Variants in ROBO1 observed in about 807,000 individuals in gnomAD.
The protein encoded by ROBO1 is roundabout homolog 1.
ROBO1 carries 149 observed loss-of-function variants against 195.9 expected under a neutral mutation model. The ratio of observed to expected loss-of-function variants is 0.76; its 90% confidence interval spans 0.67 to 0.87. ROBO1 has a LOEUF of 0.87. Among genes scored for constraint, ROBO1 ranks in the 40% least tolerant of loss-of-function variants. ROBO1 has a pLI of 0.00. For synonymous variants in ROBO1, 816 were observed against 733.2 expected, an observed-to-expected ratio of 1.11 and a Z score of -1.82; for missense variants, 1,933 against 2,068.3, an observed-to-expected ratio of 0.93 and a Z score of 1.27.
At chr3:79,591,731 C>G (rs1446104229) in intron 1 of ROBO1, among the ~76,000 whole-genome samples, 1 of 151,790 alleles carries the variant, frequency 6.6e-6, no homozygotes, top group African/African-American at 2.4e-5. Flanking sequence ...GATCACATTC[C>G]TCAGTGAAGT....
intron 1 of ROBO1, among the ~76,000 whole-genome samples, chr3:79,623,562 C>T (rs925050483): frequency 1.3e-5 from 2 of 152,114 alleles, no homozygotes; most frequent in Admixed American, 6.6e-5. Context: ...TAAGAATCAA[C>T]AGTTGAATCT....
At chr3:79,481,068 G>A (rs561791638) in intron 2 of ROBO1, among the ~76,000 whole-genome samples, 1 of 151,938 alleles carries the variant, frequency 6.6e-6, no homozygotes, top group African/African-American at 2.4e-5. Flanking sequence ...ATTCTTGCTT[G>A]CTACTAATTA....
At chr3:78,802,946 A>G (rs2084414660) in intron 4 of ROBO1, among the ~76,000 whole-genome samples, 1 of 152,186 alleles carries the variant, frequency 6.6e-6, no homozygotes, top group Non-Finnish European at 1.5e-5. Context: ...CATAGCCAGT[A>G]AGTATTCTGA....
chr3:79,245,154 G>T (rs570445490), intron 2 of ROBO1, among the ~76,000 whole-genome samples: 3 of 152,162 alleles, frequency 2.0e-5, no homozygotes, highest in Admixed American at 2.0e-4. Context: ...GCTTCTAAAA[G>T]ATCACATAGT....
At chr3:79,276,902 C>A (rs1013491212) in intron 2 of ROBO1, among the ~76,000 whole-genome samples, 6 of 151,898 alleles carry the variant, frequency 4.0e-5, no homozygotes, top group African/African-American at 1.4e-4. Flanking sequence ...AAATGCAAAT[C>A]AAAAATACAG....
In ROBO1 at chr3:79,029,399, G is replaced by A. The variant is rs116514763; in HGVS notation, c.173-90472C>T. Among the ~76,000 whole-genome samples the A allele has an allele frequency of 2.6e-3, 389 of 152,092 alleles. 5 individuals carry two copies. The highest frequency in any genetic ancestry group is 9.0e-3 in the African/African-American group (372 of 41,508). ...GCTTTAAAAAATCAGATATTTATCT[G>A]GAAAACCCATCTGTCTTAAATAATG... On this transcript the variant is annotated intron_variant, in intron 3 of 30. Coordinates refer to ENST00000464233, the MANE Select transcript of ROBO1 (RefSeq NM_002941.4).
chr3:79,352,378 C>T (rs956695301), intron 2 of ROBO1, among the ~76,000 whole-genome samples: 10 of 152,130 alleles, frequency 6.6e-5, no homozygotes, highest in Admixed American at 2.0e-4. Context: ...TCCCAGGTAT[C>T]CATCGCTCAG....
intron 3 of ROBO1, among the ~76,000 whole-genome samples, chr3:79,079,103 G>A (rs2079225093): frequency 6.6e-6 from 1 of 151,552 alleles, no homozygotes; most frequent in African/African-American, 2.4e-5. Context: ...TAGAGAAATT[G>A]GAAAAATGAC....
At chr3:78,981,953 C>G (rs2077004504) in intron 3 of ROBO1, among the ~76,000 whole-genome samples, 1 of 152,038 alleles carries the variant, frequency 6.6e-6, no homozygotes, top group Non-Finnish European at 1.5e-5. Context: ...AAAGATTAAC[C>G]ACCCAAGAAG....
At chr3:79,656,012 CTTA>C (rs1946147613) in intron 1 of ROBO1, among the ~76,000 whole-genome samples, 1 of 151,972 alleles carries the variant, frequency 6.6e-6, no homozygotes, top group African/African-American at 2.4e-5. Context: ...TATTTTTAAG[CTTA>C]TTATTTGTAA....
intron 2 of ROBO1, among the ~76,000 whole-genome samples, chr3:79,331,345 G>A (rs551193075): frequency 5.1e-4 from 78 of 152,124 alleles, no homozygotes; most frequent in African/African-American, 1.8e-3. Context: ...TAAAGTCTTA[G>A]GTTGCAAAGT....
chr3:78,971,762 G>GT (rs1553778952), intron 3 of ROBO1, among the ~76,000 whole-genome samples: 105 of 149,624 alleles, frequency 7.0e-4, no homozygotes, highest in African/African-American at 2.4e-3. Context: ...TGTTGTTGTT[G>GT]TTGTTTGTTT....
chr3:79,713,649 T>G (rs1438311022), intron 1 of ROBO1, among the ~76,000 whole-genome samples: 1 of 152,196 alleles, frequency 6.6e-6, no homozygotes, highest in Non-Finnish European at 1.5e-5. Flanking sequence ...TTTGGTGTTT[T>G]AGACATGAAG....
chr3:78,663,538 T>C (rs1707554162), intron 14 of ROBO1, among the ~76,000 whole-genome samples: 1 of 152,176 alleles, frequency 6.6e-6, no homozygotes, highest in South Asian at 2.1e-4. Context: ...AAGAGTGAAA[T>C]ACTTGGAATG....
chr3:78,944,260 A>G (rs1271738149), intron 3 of ROBO1, among the ~76,000 whole-genome samples: 1 of 152,258 alleles, frequency 6.6e-6, no homozygotes, highest in Non-Finnish European at 1.5e-5. Flanking sequence ...ATCCATAGAG[A>G]AACATGCTTT....
chr3:79,124,319 GT>G (rs542505871), intron 3 of ROBO1, among the ~76,000 whole-genome samples: 2 of 151,932 alleles, frequency 1.3e-5, no homozygotes, highest in Non-Finnish European at 2.9e-5. Context: ...CAATATTAAA[GT>G]TGTTTATAAA....
At chr3:79,689,921 G>A (rs1418966129) in intron 1 of ROBO1, among the ~76,000 whole-genome samples, 1 of 151,898 alleles carries the variant, frequency 6.6e-6, no homozygotes, top group Non-Finnish European at 1.5e-5. Context: ...CAGTGTATAA[G>A]TTAAAAGTAG....
intron 2 of ROBO1, among the ~76,000 whole-genome samples, chr3:79,456,317 A>T (rs944393542): frequency 6.6e-6 from 1 of 152,130 alleles, no homozygotes; most frequent in South Asian, 2.1e-4. Flanking sequence ...CAGTATGTTC[A>T]CCTAACATCA....
At chr3:79,765,011 A>T (rs924200340) in intron 1 of ROBO1, among the ~76,000 whole-genome samples, 1 of 152,208 alleles carries the variant, frequency 6.6e-6, no homozygotes, top group Non-Finnish European at 1.5e-5. Flanking sequence ...TAGAGCCCAG[A>T]AGATGGTAAC....
Sources: gnomAD v4.1 joint callset for allele counts (sites outside exome capture counted in the v4.1 genomes callset) on GRCh38, gnomAD v4.1.1 for gene constraint, MANE v1.5 for transcripts, NCBI Gene and HGNC (gene_info 2026-07-23, HGNC 2026-07-21) for gene names.